DGKI: variants seen among roughly 807,000 people sequenced by gnomAD.
DGKI encodes the protein diacylglycerol kinase iota, also known as DAG kinase iota.
Under a neutral mutation model 147.5 loss-of-function variants are expected in DGKI, and 55 were observed. That is an observed-to-expected ratio of 0.37 (90% confidence interval 0.30 to 0.47). The LOEUF is 0.47. DGKI is among the 20% of genes least tolerant of loss of function. DGKI has a pLI of 1.00. For missense variants in DGKI, 1,007 were observed against 1,323.8 expected (o/e 0.76, Z 3.71); for synonymous variants, 469 against 477.1 (o/e 0.98, Z 0.22).
chr7:137,444,824 T>C (rs185581050), intron 27 of DGKI, among the ~76,000 whole-genome samples: 2 of 152,308 alleles, frequency 1.3e-5, no homozygotes, highest in East Asian at 3.9e-4. Context: ...CTTTGAGTAG[T>C]ATAGACCTAA....
chr7:137,542,246 C>G (rs1182898856), intron 20 of DGKI, among the ~76,000 whole-genome samples: 1 of 152,090 alleles, frequency 6.6e-6, no homozygotes, highest in African/African-American at 2.4e-5. Flanking sequence ...ACCATATGAC[C>G]CAGCAATCCC....
intron 15 of DGKI, 51 bp from the exon 16 acceptor site, chr7:137,578,376 G>T: frequency 1.5e-6 from 2 of 1,368,110 alleles, no homozygotes; most frequent in South Asian, 1.2e-5. Flanking sequence ...TAAAGGTAGC[G>T]ACTTAGATTA....
chr7:137,812,411 G>A (rs6966888), intron 1 of DGKI, among the ~76,000 whole-genome samples: 3,839 of 152,244 alleles, frequency 0.025, 71 homozygotes, highest in South Asian at 0.044. Context: ...GCATTTAACT[G>A]TAGCAAAGCT....
chr7:137,446,235 G>C (rs549346149), intron 27 of DGKI, among the ~76,000 whole-genome samples: 19 of 152,278 alleles, frequency 1.2e-4, no homozygotes, highest in African/African-American at 4.6e-4. Flanking sequence ...GGCTCCGTTA[G>C]AGTCCCAAGG....
chr7:137,643,883 C>T (rs1385580927), intron 6 of DGKI, among the ~76,000 whole-genome samples: 1 of 152,194 alleles, frequency 6.6e-6, no homozygotes, highest in Admixed American at 6.5e-5. Context: ...GTGCCAGCTA[C>T]TGGGCTCCAG....
At chr7:137,643,639 C>A (rs1426673833) in intron 6 of DGKI, among the ~76,000 whole-genome samples, 2 of 152,142 alleles carry the variant, frequency 1.3e-5, no homozygotes, top group African/African-American at 4.8e-5. Context: ...GACGGACGTG[C>A]AGCGAGCTGT....
At chr7:137,573,248 T>G (rs958701343) in intron 17 of DGKI, among the ~76,000 whole-genome samples, 5 of 152,222 alleles carry the variant, frequency 3.3e-5, no homozygotes, top group Non-Finnish European at 7.3e-5. Context: ...ACCATCATTA[T>G]CTGATTCAAA....
Position 137,658,965 on chromosome 7 carries a change from T to G in DGKI, c.607-2425A>C, listed in dbSNP as rs149434638. 2.1e-3 allele frequency among the ~76,000 whole-genome samples: 318 copies of G among 152,372 alleles called. 1 individual carries two copies. Among genetic ancestry groups the G allele is most frequent in the African/African-American group, 7.1e-3 (295 of 41,590 alleles). Reference sequence around the variant, plus strand: ...AAAACTGATTTTAACTGAACTATATTGATTTTTAAAAGATCCTCTTAAAAT... The same window carrying G: ...AAAACTGATTTTAACTGAACTATATGGATTTTTAAAAGATCCTCTTAAAAT... On this transcript the variant is annotated intron_variant, in intron 3 of 32. Coordinates refer to ENST00000614521, the MANE Select transcript of DGKI (RefSeq NM_001321708.2).
At chr7:137,527,253 A>G (rs562931107) in intron 20 of DGKI, among the ~76,000 whole-genome samples, 7 of 152,212 alleles carry the variant, frequency 4.6e-5, no homozygotes, top group Non-Finnish European at 1.0e-4. Flanking sequence ...AGTTGTTGTT[A>G]CTATTATTAT....
intron 1 of DGKI, among the ~76,000 whole-genome samples, chr7:137,820,700 T>C (rs1797870750): frequency 6.6e-6 from 1 of 152,030 alleles, no homozygotes; most frequent in East Asian, 1.9e-4. Flanking sequence ...GTCTCTCCAA[T>C]GTCTGGGAAA....
chr7:137,439,628 C>T (rs1180998295), intron 28 of DGKI, among the ~76,000 whole-genome samples: 12 of 152,202 alleles, frequency 7.9e-5, no homozygotes, highest in Admixed American at 7.2e-4. Flanking sequence ...TAGGTGGGGA[C>T]ACAGCCAAAC....
chr7:137,476,798 T>A (rs1238154802), intron 23 of DGKI, among the ~76,000 whole-genome samples: 1 of 152,192 alleles, frequency 6.6e-6, no homozygotes, highest in African/African-American at 2.4e-5. Flanking sequence ...AGAATTTAAG[T>A]AAACTACCCA....
intron 1 of DGKI, among the ~76,000 whole-genome samples, chr7:137,750,518 TAAG>T (rs1304752391): frequency 6.6e-6 from 1 of 152,138 alleles, no homozygotes; most frequent in Non-Finnish European, 1.5e-5. Flanking sequence ...AAAGGAAACT[TAAG>T]GTTCCCTCCC....
At chr7:137,844,494 A>T (rs1217228157) in intron 1 of DGKI, among the ~76,000 whole-genome samples, 1 of 152,220 alleles carries the variant, frequency 6.6e-6, no homozygotes, top group Non-Finnish European at 1.5e-5. Flanking sequence ...GGTGGTGAGC[A>T]CTTTTAACCA....
At chr7:137,789,113 T>C (rs1457540733) in intron 1 of DGKI, among the ~76,000 whole-genome samples, 2 of 152,294 alleles carry the variant, frequency 1.3e-5, no homozygotes, top group East Asian at 3.9e-4. Flanking sequence ...GGGGAATAAC[T>C]GAAAGCATAA....
chr7:137,807,357 T>C (rs1797412886), intron 1 of DGKI, among the ~76,000 whole-genome samples: 1 of 152,252 alleles, frequency 6.6e-6, no homozygotes, highest in Admixed American at 6.5e-5. Context: ...ATGGATTTTA[T>C]GTTTTGTCAT....
chr7:137,593,467 T>C (rs1029728411), intron 12 of DGKI, among the ~76,000 whole-genome samples: 2 of 152,254 alleles, frequency 1.3e-5, no homozygotes, highest in African/African-American at 4.8e-5. Context: ...GCTGAATTTA[T>C]TGCAGCCAAG....
intron 5 of DGKI, among the ~76,000 whole-genome samples, chr7:137,647,900 A>G (rs767774065): frequency 6.6e-6 from 1 of 152,326 alleles, no homozygotes; most frequent in East Asian, 1.9e-4. Flanking sequence ...CATCATTCTC[A>G]TTTTACAGAT....
At chr7:137,586,128 G>T (rs1261037530) in intron 13 of DGKI, among the ~76,000 whole-genome samples, 3 of 152,128 alleles carry the variant, frequency 2.0e-5, no homozygotes, top group African/African-American at 7.2e-5. Flanking sequence ...CATATGAGCA[G>T]ATAAAAAGTT....
Sources: gnomAD v4.1 joint callset for allele counts (sites outside exome capture counted in the v4.1 genomes callset) on GRCh38, gnomAD v4.1.1 for gene constraint, MANE v1.5 for transcripts, NCBI Gene and HGNC (gene_info 2026-07-23, HGNC 2026-07-21) for gene names.